Variants in OXR1 observed in about 807,000 individuals in gnomAD.
OXR1 encodes oxidation resistance 1.
A neutral mutation model predicts 104.6 loss-of-function variants in OXR1; 41 were observed. That is an observed-to-expected ratio of 0.39 (90% CI 0.31 to 0.51). The LOEUF is 0.51. Ranked by LOEUF, OXR1 falls within the 20% of genes least tolerant of loss-of-function variation. The pLI is 0.77. For synonymous variants in OXR1, 348 were observed against 348.4 expected (o/e 1.00, Z 0.01); for missense variants, 955 against 1,031.9 (o/e 0.93, Z 1.02).
intron 11 of OXR1, among the ~76,000 whole-genome samples, chr8:106,715,901 G>T (rs1008916619): frequency 1.3e-5 from 2 of 152,134 alleles, no homozygotes; most frequent in South Asian, 2.1e-4. Flanking sequence ...AAATGGAAGA[G>T]AAAAAAATAA....
intron 2 of OXR1, among the ~76,000 whole-genome samples, chr8:106,450,764 C>CTTT (rs10668587): frequency 3.4e-5 from 5 of 146,004 alleles, no homozygotes; most frequent in South Asian, 2.2e-4. Flanking sequence ...AAAGAGGGTG[C>CTTT]TTTTTTTTTT....
chr8:106,388,371 A>G (rs1040009465), intron 2 of OXR1, among the ~76,000 whole-genome samples: 1 of 152,114 alleles, frequency 6.6e-6, no homozygotes, highest in Non-Finnish European at 1.5e-5. Flanking sequence ...CCTTTGGCCT[A>G]ATACTGCTCT....
At chr8:106,492,771 C>T (rs1811178801) in intron 2 of OXR1, among the ~76,000 whole-genome samples, 2 of 152,102 alleles carry the variant, frequency 1.3e-5, no homozygotes, top group Admixed American at 1.3e-4. Flanking sequence ...ACCTTAAACT[C>T]TCAGGCCAAT....
At chr8:106,477,489 G>A (rs1358763958) in intron 2 of OXR1, among the ~76,000 whole-genome samples, 7 of 151,896 alleles carry the variant, frequency 4.6e-5, no homozygotes, top group Non-Finnish European at 8.8e-5. Context: ...ACTTTGAATG[G>A]CTCTGTGTAG....
intron 3 of OXR1, among the ~76,000 whole-genome samples, chr8:106,662,980 T>G (rs1402721905): frequency 1.3e-5 from 2 of 152,104 alleles, no homozygotes; most frequent in East Asian, 3.9e-4. Context: ...TCAAAGGAAA[T>G]GCTCTTTGGA....
Position 106,492,948 on chromosome 8 carries a change from A to AT in OXR1, c.24-25987dup, listed in dbSNP as rs1811191299. On this transcript the variant is annotated intron_variant, in intron 2 of 16. Coordinates refer to ENST00000517566, the MANE Select transcript of OXR1 (RefSeq NM_001198533.2). Reference sequence around the variant, plus strand: ...TATATATGAACTGATGTTAAAAAATATTTTTTTTCTAAAATGCATTGTGGA... The same window carrying AT: ...TATATATGAACTGATGTTAAAAAATATTTTTTTTTCTAAAATGCATTGTGGA... 2.6e-5 allele frequency among the ~76,000 whole-genome samples: 4 copies of AT among 152,102 alleles called. No homozygotes were observed. The South Asian group carries it at 8.3e-4, about 32-fold the overall frequency.
At chr8:106,415,665 A>G (rs1818646743) in intron 2 of OXR1, among the ~76,000 whole-genome samples, 1 of 151,990 alleles carries the variant, frequency 6.6e-6, no homozygotes, top group Non-Finnish European at 1.5e-5. Context: ...TAAGTTACTT[A>G]TAAGACACAC....
chr8:106,310,260 A>G (rs1254098124), intron 1 of OXR1, among the ~76,000 whole-genome samples: 3 of 149,068 alleles, frequency 2.0e-5, no homozygotes, highest in African/African-American at 4.9e-5. Flanking sequence ...CTCTTTCCTA[A>G]GCTCTCTATC....
intron 2 of OXR1, among the ~76,000 whole-genome samples, chr8:106,483,340 T>A (rs1406822734): frequency 2.0e-5 from 3 of 151,878 alleles, no homozygotes; most frequent in South Asian, 4.2e-4. Context: ...TTAAACATGA[T>A]TGAATTTAGA....
chr8:106,377,832 C>G (rs16874472), intron 2 of OXR1, among the ~76,000 whole-genome samples: 13,732 of 152,102 alleles, frequency 0.09, 955 homozygotes, highest in African/African-American at 0.19. Flanking sequence ...ATTTCTATAC[C>G]CTTTAACTTT....
In OXR1 at chr8:106,745,754, T is replaced by A. The variant is rs904858555; in HGVS notation, c.2413-35T>A. On this transcript the variant is annotated intron_variant, in intron 15 of 16. Coordinates refer to ENST00000517566, the MANE Select transcript of OXR1 (RefSeq NM_001198533.2). The stretch of plus-strand genomic sequence containing the variant: ...CTAACTCTCTATAATAACCATTTCA[T>A]CTATATATTTAAAGCTTTTTTTAAA... The A allele has an allele frequency of 1.6e-5, 17 of 1,033,768 alleles. No individual in the cohort carries two copies. In the African/African-American group the frequency reaches 1.8e-4, roughly 11 times the overall value. 64.0% of individuals were successfully genotyped at this position (1,033,768 alleles called of 1,614,324 possible).
chr8:106,609,432 A>G (rs534853861), intron 3 of OXR1, among the ~76,000 whole-genome samples: 1 of 152,252 alleles, frequency 6.6e-6, no homozygotes, highest in South Asian at 2.1e-4. Flanking sequence ...GATAATAGAA[A>G]AGTTGTAAGA....
rs149485264 is a variant in OXR1 at position 106,692,783 on chromosome 8, G to A, written c.581G>A (p.Arg194Gln). ...CCCTCATCTACTTTCACTGGTATTC[G>A]ACCTGCACGAGTTGTATCTTCAACT... is the stretch of plus-strand genomic sequence containing the variant. ...ATPSSTFTGIRPARVVSSTSE... is the reference protein window; with the variant it reads ...ATPSSTFTGIQPARVVSSTSE... The change falls in exon 7 of 17, where the codon CGA becomes CAA. Residue 194 changes from arginine (R) to glutamine (Q), a missense_variant. Arg to Gln is a conservative substitution (Grantham distance 43). Coordinates refer to ENST00000517566, the MANE Select transcript of OXR1 (RefSeq NM_001198533.2). 81 of 1,597,544 alleles carry A rather than the reference G, an allele frequency of 5.1e-5. No individual in the cohort carries two copies. The Admixed American group carries it at 5.3e-4, about 10-fold the overall frequency.
intron 2 of OXR1, among the ~76,000 whole-genome samples, chr8:106,481,197 C>A (rs1822092307): frequency 6.6e-6 from 1 of 151,916 alleles, no homozygotes; most frequent in Non-Finnish European, 1.5e-5. Flanking sequence ...AATAGTTGGG[C>A]CGTTGTCACA....
At chr8:106,515,675 T>A (rs1273282330) in intron 2 of OXR1, among the ~76,000 whole-genome samples, 1 of 152,184 alleles carries the variant, frequency 6.6e-6, no homozygotes, top group Non-Finnish European at 1.5e-5. Flanking sequence ...CTGCTTTTTT[T>A]ATTATTAATC....
chr8:106,704,384 TTTC>T lies in OXR1; in HGVS notation c.860+1303_860+1305del, dbSNP rs764600754. ...TTTTCTTTCTTTTTCTTTTTCTTTC[TTTC>T]TTCTTCTTTTTTTTTTTTTTTTTTT... On this transcript the variant is annotated intron_variant, in intron 8 of 16. Coordinates refer to ENST00000517566, the MANE Select transcript of OXR1 (RefSeq NM_001198533.2). Among the ~76,000 whole-genome samples, 36 of 138,160 alleles carry T rather than the reference TTTC, an allele frequency of 2.6e-4. 1 individual carries two copies. The highest frequency in any genetic ancestry group is 2.9e-4 in the African/African-American group (11 of 37,980). 90.6% of individuals were successfully genotyped at this position (138,160 alleles called of 152,430 possible).
chr8:106,311,927 C>T (rs1813717984), intron 1 of OXR1, among the ~76,000 whole-genome samples: 1 of 152,100 alleles, frequency 6.6e-6, no homozygotes, highest in Admixed American at 6.6e-5. Flanking sequence ...CCTCTTCTCT[C>T]TGTTATTGTT....
chr8:106,432,929 C>T (rs990584402), intron 2 of OXR1, among the ~76,000 whole-genome samples: 1 of 152,062 alleles, frequency 6.6e-6, no homozygotes, highest in Non-Finnish European at 1.5e-5. Context: ...CATCTTGTGG[C>T]AATTTGCTTT....
intron 3 of OXR1, among the ~76,000 whole-genome samples, chr8:106,632,699 A>C (rs541020898): frequency 1.6e-4 from 24 of 152,190 alleles, no homozygotes; most frequent in Non-Finnish European, 4.4e-5. Context: ...CTTTACTTGC[A>C]TCACAATGTA....
Sources: gnomAD v4.1 joint callset for allele counts (sites outside exome capture counted in the v4.1 genomes callset) on GRCh38, gnomAD v4.1.1 for gene constraint, MANE v1.5 for transcripts, NCBI Gene and HGNC (gene_info 2026-07-23, HGNC 2026-07-21) for gene names.